LHX9: variants seen among roughly 807,000 people sequenced by gnomAD.
LHX9 encodes LIM/homeobox protein Lhx9.
Under a neutral mutation model 36.5 loss-of-function variants are expected in LHX9, and 9 were observed. That is an observed-to-expected ratio of 0.25 (90% CI 0.15 to 0.43). The LOEUF (loss-of-function observed/expected upper bound fraction) is 0.43, where lower values mean the gene tolerates loss of function less well. Ranked by LOEUF, LHX9 falls within the 20% of genes least tolerant of loss-of-function variation. The pLI is 1.00. For missense variants in LHX9, 464 were observed against 526.4 expected (o/e 0.88, Z 1.16); for synonymous variants, 211 against 212.1 (o/e 0.99, Z 0.04).
At position 197,917,626 on chromosome 1, in the gene LHX9, T is replaced by A; in HGVS notation, c.-198T>A. 6.6e-7 allele frequency: 1 copy of A among 1,512,034 alleles called. No individual in the cohort carries two copies. Among genetic ancestry groups the A allele is most frequent in the Non-Finnish European group, 8.8e-7 (1 of 1,131,946 alleles). The allele number at this position is 1,512,034 out of a possible 1,614,324, so 93.7% of individuals were successfully genotyped here. A position where few individuals can be genotyped will look rare whatever the true frequency, so the allele number is the denominator to read the frequency against. ...ATCTCCTTCAGGGAGCCGCTGAGGC[T>A]TCCCCCCAACTCTTCCCAGTTCTTT... On this transcript the variant is annotated 5_prime_UTR_variant, in exon 1 of 5. Coordinates refer to ENST00000367387, the MANE Select transcript of LHX9 (RefSeq NM_020204.3).
At position 197,930,126 on chromosome 1, in the gene LHX9, A is replaced by T; in HGVS notation, c.*867A>T. On this transcript the variant is annotated 3_prime_UTR_variant, in exon 5 of 5. Coordinates refer to ENST00000367387, the MANE Select transcript of LHX9 (RefSeq NM_020204.3). ...AGCAAAATATAATGTTTTAAGAAGTAAAAAAATCAATATAATTTAATTAAT... is the reference window on the plus strand; with the variant it reads ...AGCAAAATATAATGTTTTAAGAAGTTAAAAAATCAATATAATTTAATTAAT... 1.2e-6 allele frequency: 1 copy of T among 868,286 alleles called. No individual in the cohort carries two copies. 53.8% of individuals were successfully genotyped at this position (868,286 alleles called of 1,614,324 possible).
chr1:197,919,931 C>A (rs755961409), intron 1 of LHX9, 41 bp from the exon 2 acceptor site: 1 of 1,602,132 alleles, frequency 6.2e-7, no homozygotes, highest in South Asian at 1.1e-5. Flanking sequence ...TGCGGCTACA[C>A]CGCGCGCCCT....
chr1:197,922,149 AAG>A (rs1387134269), intron 3 of LHX9, among the ~76,000 whole-genome samples: 1 of 152,190 alleles, frequency 6.6e-6, no homozygotes, highest in Admixed American at 6.5e-5. Context: ...CACAGTTGGC[AAG>A]AGTGTTGAAA....
chr1:197,927,645 C>A lies in LHX9; in HGVS notation c.788C>A (p.Pro263His), dbSNP rs1234224693. The A allele has an allele frequency of 6.2e-7, 1 of 1,614,152 alleles. No homozygotes were observed. The highest frequency in any genetic ancestry group is 8.5e-7 in the Non-Finnish European group (1 of 1,180,030). The change falls in exon 4 of 5, where the codon CCC (proline) becomes CAC (histidine). Residue 263 changes from proline to histidine, a missense_variant. Coordinates refer to ENST00000367387, the MANE Select transcript of LHX9 (RefSeq NM_020204.3). ...HLDRDQQPYPPSQKTKRMRTS... is the reference protein window; with the variant it reads ...HLDRDQQPYPHSQKTKRMRTS... Reference sequence around the variant, plus strand: ...GACCGGGACCAGCAGCCTTATCCACCCTCGCAGAAGACCAAGCGCATGCGA... The same window carrying A: ...GACCGGGACCAGCAGCCTTATCCACACTCGCAGAAGACCAAGCGCATGCGA...
At chr1:197,919,697 G>GCGATTTTTTT (rs1368032570) in intron 1 of LHX9, among the ~76,000 whole-genome samples, 1 of 152,204 alleles carries the variant, frequency 6.6e-6, no homozygotes, top group Non-Finnish European at 1.5e-5. Context: ...TATTTTCCTA[G>GCGATTTTTTT]TCCTTTTTAA....
Position 197,929,456 on chromosome 1 carries a change from A to G in LHX9, c.*197A>G. On this transcript the variant is annotated 3_prime_UTR_variant, in exon 5 of 5. Coordinates refer to ENST00000367387, the MANE Select transcript of LHX9 (RefSeq NM_020204.3). ...TTACAGTATTGTCTCCTTTAAGTGAATATATTTTGTCTACAAAGTGTATTT... is the reference window on the plus strand; with the variant it reads ...TTACAGTATTGTCTCCTTTAAGTGAGTATATTTTGTCTACAAAGTGTATTT... The G allele has an allele frequency of 9.2e-7, 1 of 1,083,190 alleles. No homozygotes were observed. The allele number at this position is 1,083,190 out of a possible 1,614,324, so 67.1% of individuals were successfully genotyped here. A position where few individuals can be genotyped will look rare whatever the true frequency, so the allele number is the denominator to read the frequency against.
Position 197,928,858 on chromosome 1 carries a change from GACAA to G in LHX9, c.937-139_937-136del, listed in dbSNP as rs991130017. On this transcript the variant is annotated intron_variant, in intron 4 of 4. Coordinates refer to ENST00000367387, the MANE Select transcript of LHX9 (RefSeq NM_020204.3). Reference sequence around the variant, plus strand: ...AAAAAGCCCCTTTCCTCCTAAGAAAGACAAACAATGATATTTAAAAGGAGAAACC... The same window carrying G: ...AAAAAGCCCCTTTCCTCCTAAGAAAGACAATGATATTTAAAAGGAGAAACC... 2.2e-5 allele frequency: 21 copies of G among 935,658 alleles called. No individual in the cohort carries two copies. In the African/African-American group the frequency reaches 2.5e-4, roughly 11 times the overall value. The allele number at this position is 935,658 out of a possible 1,614,324, so 58.0% of individuals were successfully genotyped here.
upstream of LHX9, among the ~76,000 whole-genome samples, chr1:197,913,955 C>G (rs1037184785): frequency 2.0e-5 from 3 of 152,218 alleles, no homozygotes; most frequent in Admixed American, 6.5e-5. Flanking sequence ...TTTCCTCCCC[C>G]CTAGGGAATT....
intron 1 of LHX9, 38 bp downstream of exon 1, chr1:197,918,035 C>T: frequency 6.3e-7 from 1 of 1,593,740 alleles, no homozygotes; most frequent in Non-Finnish European, 8.5e-7. Context: ...GCCGGGCACC[C>T]CTGCGCCCTC....
In LHX9 at chr1:197,925,176, A is replaced by G. The variant is rs1452737244; in HGVS notation, c.734-2415A>G. Among the ~76,000 whole-genome samples, 2 of 43,630 alleles carry G rather than the reference A, an allele frequency of 4.6e-5. 1 individual carries two copies. The highest frequency in any genetic ancestry group is 2.0e-4 in the African/African-American group (2 of 10,120). The allele number at this position is 43,630 out of a possible 152,430, so 28.6% of individuals were successfully genotyped here. A position where few individuals can be genotyped will look rare whatever the true frequency, so the allele number is the denominator to read the frequency against. On this transcript the variant is annotated intron_variant, in intron 3 of 4. Transcript: ENST00000367387. ...TATTTTATGTGGAAACAGGGCCTAT[A>G]ACTGTATTTTACACACTAAAAGGCT... is the stretch of plus-strand genomic sequence containing the variant.
upstream of LHX9, chr1:197,916,352 C>T (rs1659752304): frequency 6.4e-6 from 2 of 312,806 alleles, no homozygotes; most frequent in Non-Finnish European, 1.2e-5. Flanking sequence ...GTCCCTTTCA[C>T]ACCCTTCTGA....
rs1660416344 is a variant in LHX9, at chr1:197,935,011, C to T, written c.*5752C>T. The T allele has an allele frequency of 6.6e-6, 1 of 151,976 alleles. No homozygotes were observed. The highest frequency in any genetic ancestry group is 6.6e-5 in the Admixed American group (1 of 15,244). The allele number at this position is 151,976 out of a possible 1,614,324, so 9.4% of individuals were successfully genotyped here. A position where few individuals can be genotyped will look rare whatever the true frequency, so the allele number is the denominator to read the frequency against. Reference sequence around the variant, plus strand: ...AGGTTGGGAGAGGGAAAGTTTAGAACTGTGCATGATACTCAAGGAAAAGTC... The same window carrying T: ...AGGTTGGGAGAGGGAAAGTTTAGAATTGTGCATGATACTCAAGGAAAAGTC... On this transcript the variant is annotated 3_prime_UTR_variant, in exon 5 of 5. Coordinates refer to ENST00000367387, the MANE Select transcript of LHX9 (RefSeq NM_020204.3).
Position 197,931,894 on chromosome 1 carries a change from A to G in LHX9, c.*2635A>G. 1 of 1,540,546 alleles carries G rather than the reference A, an allele frequency of 6.5e-7. No homozygotes were observed. Among genetic ancestry groups the G allele is most frequent in the Non-Finnish European group, 8.8e-7 (1 of 1,138,474 alleles). ...AAAGCCAAGTTGCTCTGTAGTTAAT[A>G]AATTGTCACTATGATTTTTTTCAGG... is the stretch of plus-strand genomic sequence containing the variant. On this transcript the variant is annotated 3_prime_UTR_variant, in exon 5 of 5. Coordinates refer to ENST00000367387, the MANE Select transcript of LHX9 (RefSeq NM_020204.3).
upstream of LHX9, chr1:197,917,220 C>T: frequency 4.2e-6 from 5 of 1,196,052 alleles, no homozygotes; most frequent in Non-Finnish European, 5.3e-6. Flanking sequence ...GTCCTGCTTG[C>T]CCATCACCAG....
Position 197,932,962 on chromosome 1 carries a change from A to C in LHX9, c.*3703A>C, listed in dbSNP as rs1213578118. Reference sequence around the variant, plus strand: ...AATGAACAAATTTATTGATGTATACAAATATATTCTGAACTATAAAAAGAT... The same window carrying C: ...AATGAACAAATTTATTGATGTATACCAATATATTCTGAACTATAAAAAGAT... On this transcript the variant is annotated 3_prime_UTR_variant, in exon 5 of 5. Transcript: ENST00000367387. 1 of 152,054 alleles carries C rather than the reference A, an allele frequency of 6.6e-6. No homozygotes were observed. Among genetic ancestry groups the C allele is most frequent in the East Asian group, 1.9e-4 (1 of 5,200 alleles). 9.4% of individuals were successfully genotyped at this position (152,054 alleles called of 1,614,324 possible).
Position 197,931,931 on chromosome 1 carries a change from T to A in LHX9, c.*2672T>A. On this transcript the variant is annotated 3_prime_UTR_variant, in exon 5 of 5. Transcript: ENST00000367387. ...TGATTTTTTTCAGGGAGAACAAATC[T>A]TGGGGCATTACAGCCAAACATCCCG... 1 of 1,548,572 alleles carries A rather than the reference T, an allele frequency of 6.5e-7. No homozygotes were observed. Among genetic ancestry groups the A allele is most frequent in the Non-Finnish European group, 8.7e-7 (1 of 1,145,518 alleles).
intron 3 of LHX9, among the ~76,000 whole-genome samples, chr1:197,924,309 T>C (rs986801573): frequency 3.9e-5 from 6 of 152,262 alleles, no homozygotes; most frequent in Non-Finnish European, 7.3e-5. Context: ...AAACTAAGTA[T>C]AATTTACACA....
At chr1:197,917,291 G>A (rs1358326528), upstream of LHX9, 14 of 1,229,962 alleles carry the variant, frequency 1.1e-5, no homozygotes, top group African/African-American at 1.3e-4. Context: ...GCAGCTCCGG[G>A]GAGAGAACTC....
Position 197,930,140 on chromosome 1 carries a change from A to T in LHX9, c.*881A>T. 1 of 785,804 alleles carries T rather than the reference A, an allele frequency of 1.3e-6. No homozygotes were observed. The highest frequency in any genetic ancestry group is 1.5e-6 in the Non-Finnish European group (1 of 648,060). 48.7% of individuals were successfully genotyped at this position (785,804 alleles called of 1,614,324 possible). A position where few individuals can be genotyped will look rare whatever the true frequency, so the allele number is the denominator to read the frequency against. On this transcript the variant is annotated 3_prime_UTR_variant, in exon 5 of 5. Transcript: ENST00000367387. ...TTTTAAGAAGTAAAAAAATCAATAT[A>T]ATTTAATTAATAGCTCTATTAATTG...
Sources: gnomAD v4.1 joint callset for allele counts (sites outside exome capture counted in the v4.1 genomes callset) on GRCh38, gnomAD v4.1.1 for gene constraint, MANE v1.5 for transcripts, NCBI Gene and HGNC (gene_info 2026-07-23, HGNC 2026-07-21) for gene names.